Variants in TMEFF2 observed in about 807,000 individuals in gnomAD.
The protein encoded by TMEFF2 is transmembrane protein with EGF like and two follistatin like domains 2.
A neutral mutation model predicts 53.8 loss-of-function variants in TMEFF2; 28 were observed. The observed-to-expected ratio is 0.52, with a 90% CI of 0.39 to 0.71. The LOEUF (loss-of-function observed/expected upper bound fraction) is 0.71. Ranked by LOEUF, TMEFF2 falls within the 30% of genes least tolerant of loss-of-function variation. The probability of loss-of-function intolerance (pLI) is 0.00; values close to 1 mark genes in which losing one functional copy is unlikely to be tolerated. For synonymous variants in TMEFF2, 162 were observed against 166.3 expected (o/e 0.97, Z 0.20); for missense variants, 353 against 455.2 (o/e 0.78, Z 2.04).
chr2:192,113,821 T>G (rs1689338406), intron 4 of TMEFF2, among the ~76,000 whole-genome samples: 1 of 152,004 alleles, frequency 6.6e-6, no homozygotes, highest in South Asian at 2.1e-4. Context: ...TTTATTGTAT[T>G]TGTATATCTA....
At chr2:191,965,512 A>G (rs192004452) in intron 7 of TMEFF2, among the ~76,000 whole-genome samples, 1 of 152,312 alleles carries the variant, frequency 6.6e-6, no homozygotes, top group African/African-American at 2.4e-5. Flanking sequence ...AAACGTGAGT[A>G]CATTTTGATC....
chr2:192,165,171 A>T (rs1690732714), intron 4 of TMEFF2, among the ~76,000 whole-genome samples: 1 of 152,212 alleles, frequency 6.6e-6, no homozygotes, highest in African/African-American at 2.4e-5. Context: ...TTAATATGAA[A>T]GTTTATAATT....
chr2:191,968,341 A>G (rs1692527155), intron 7 of TMEFF2, among the ~76,000 whole-genome samples: 1 of 152,230 alleles, frequency 6.6e-6, no homozygotes, highest in African/African-American at 2.4e-5. Flanking sequence ...GAAGACAAAT[A>G]GAGGAAAACA....
chr2:192,022,638 A>G (rs4853654), intron 5 of TMEFF2, among the ~76,000 whole-genome samples: 133,788 of 152,158 alleles, frequency 0.88, 60,042 homozygotes, highest in Non-Finnish European at 0.97. Flanking sequence ...CTTTATAATT[A>G]AAATCTTATT....
In TMEFF2 at chr2:192,125,585, G is replaced by A. The variant is rs946144889; in HGVS notation, c.439+54083C>T. ...GAGAAAGCAGGTTTAATAAAAGTTT[G>A]TTTCTATTCACAATAGTAAAGACAT... On this transcript the variant is annotated intron_variant, in intron 4 of 9. Coordinates refer to ENST00000272771, the MANE Select transcript of TMEFF2 (RefSeq NM_016192.4). Among the ~76,000 whole-genome samples the A allele has an allele frequency of 2.6e-5, 4 of 152,182 alleles. No individual in the cohort carries two copies. In the South Asian group the frequency reaches 6.2e-4, roughly 24 times the overall value.
At chr2:192,086,573 T>C (rs1039189716) in intron 4 of TMEFF2, among the ~76,000 whole-genome samples, 1 of 152,126 alleles carries the variant, frequency 6.6e-6, no homozygotes, top group East Asian at 1.9e-4. Flanking sequence ...AGATGAGAGA[T>C]GAGGTGGTGT....
chr2:192,117,723 A>G (rs1026541189), intron 4 of TMEFF2, among the ~76,000 whole-genome samples: 5 of 151,998 alleles, frequency 3.3e-5, no homozygotes, highest in African/African-American at 1.2e-4. Context: ...TCTATCTCAC[A>G]ACCAATCAGA....
At chr2:192,169,999 C>CT (rs1217711388) in intron 4 of TMEFF2, among the ~76,000 whole-genome samples, 1 of 151,962 alleles carries the variant, frequency 6.6e-6, no homozygotes, top group Non-Finnish European at 1.5e-5. Context: ...CTACTAATTC[C>CT]TTTTTTTCCT....
Position 192,194,919 on chromosome 2 carries a change from C to T in TMEFF2, c.-395G>A, listed in dbSNP as rs535815436. On this transcript the variant is annotated 5_prime_UTR_variant, in exon 1 of 10. Transcript: ENST00000272771. This position sits in a 1 kb window ranked among gnomAD's most constrained non-coding sequence, Gnocchi z 4.2. ...CCGGCAGCCGCCTCTCGAGCTCTGC[C>T]GCCCGCATCCCTCTGGCGTTTGGGA... 24 of 213,962 alleles carry T rather than the reference C, an allele frequency of 1.1e-4. No homozygotes were observed. The South Asian group carries it at 1.7e-3, about 15-fold the overall frequency. 13.3% of individuals were successfully genotyped at this position (213,962 alleles called of 1,614,324 possible).
intron 4 of TMEFF2, among the ~76,000 whole-genome samples, chr2:192,083,044 A>G (rs1415123611): frequency 1.3e-5 from 2 of 151,392 alleles, no homozygotes; most frequent in South Asian, 2.1e-4. Flanking sequence ...CACCTAAAAC[A>G]TTTTCGTTAG....
chr2:192,099,372 A>G (rs1435690759), intron 4 of TMEFF2, among the ~76,000 whole-genome samples: 1 of 152,156 alleles, frequency 6.6e-6, no homozygotes, highest in Non-Finnish European at 1.5e-5. Context: ...AAGTAAATCC[A>G]TGAACTAATT....
intron 7 of TMEFF2, among the ~76,000 whole-genome samples, chr2:191,980,583 A>G (rs1342132985): frequency 1.3e-5 from 2 of 152,106 alleles, no homozygotes; most frequent in Non-Finnish European, 2.9e-5. Context: ...TATTTGCCCC[A>G]TGGTTACCCA....
intron 5 of TMEFF2, among the ~76,000 whole-genome samples, chr2:192,054,772 T>A (rs952618745): frequency 6.6e-6 from 1 of 152,178 alleles, no homozygotes; most frequent in African/African-American, 2.4e-5. Flanking sequence ...AACCTTTAGT[T>A]ACTTTCACCT....
At chr2:192,131,006 C>T (rs1221096576) in intron 4 of TMEFF2, among the ~76,000 whole-genome samples, 2 of 152,034 alleles carry the variant, frequency 1.3e-5, no homozygotes, top group East Asian at 2.0e-4. Flanking sequence ...GCAGGGACGC[C>T]TGCCTTGGTC....
At chr2:192,068,864 A>G (rs913548275) in intron 4 of TMEFF2, among the ~76,000 whole-genome samples, 4 of 151,878 alleles carry the variant, frequency 2.6e-5, no homozygotes, top group Non-Finnish European at 5.9e-5. Flanking sequence ...ATAAAAAGCC[A>G]ATTTTAAGAG....
chr2:191,996,703 T>C (rs1686230557), intron 7 of TMEFF2, among the ~76,000 whole-genome samples: 1 of 152,014 alleles, frequency 6.6e-6, no homozygotes, highest in South Asian at 2.1e-4. Flanking sequence ...TTCATAATTT[T>C]ATTAGGTATG....
At chr2:192,033,998 AC>A (rs1687212723) in intron 5 of TMEFF2, among the ~76,000 whole-genome samples, 1 of 151,766 alleles carries the variant, frequency 6.6e-6, no homozygotes. Context: ...ACATGGTGAA[AC>A]CCCATCTCTA....
At chr2:192,117,365 T>A (rs901755753) in intron 4 of TMEFF2, among the ~76,000 whole-genome samples, 4 of 152,112 alleles carry the variant, frequency 2.6e-5, no homozygotes, top group African/African-American at 9.7e-5. Context: ...GGCATAAAAA[T>A]TTAAAATACT....
rs1366975663 is a variant in TMEFF2 at position 192,181,819 on chromosome 2, T to C, written c.413-2125A>G. Among the ~76,000 whole-genome samples the C allele has an allele frequency of 3.3e-5, 5 of 151,544 alleles. 1 individual carries two copies. The highest frequency in any genetic ancestry group is 1.2e-4 in the African/African-American group (5 of 41,316). On this transcript the variant is annotated intron_variant, in intron 3 of 9. Transcript: ENST00000272771. ...AAGACAATATTTGATTTGACACAAA[T>C]GAAACAGCCAGGAAAAAAAAGAAGG...
Sources: allele counts gnomAD v4.1 joint callset (sites outside exome capture counted in the v4.1 genomes callset), GRCh38; gene constraint gnomAD v4.1.1; non-coding constraint Gnocchi (gnomAD v3.1); transcripts MANE v1.5; gene names NCBI Gene and HGNC (gene_info 2026-07-23, HGNC 2026-07-21).